The following CSMD1 variants were observed in gnomAD, a reference collection of about 807,000 sequenced individuals.
CSMD1 encodes the protein CUB and Sushi multiple domains 1, also known as CUB and sushi domain-containing protein 1.
Under a neutral mutation model 417.5 loss-of-function variants are expected in CSMD1, and 213 were observed. The observed-to-expected ratio is 0.51, with a 90% CI of 0.46 to 0.57. The LOEUF is 0.57. Among genes scored for constraint, CSMD1 ranks in the 20% least tolerant of loss-of-function variants. The pLI is 0.00. For missense variants in CSMD1, 6,923 were observed against 4,529.7 expected (o/e 1.53, Z -15.17); for synonymous variants, 2,862 against 1,736.8 (o/e 1.65, Z -16.11).
chr8:4,320,504 C>A (rs565017920), intron 3 of CSMD1, among the ~76,000 whole-genome samples: 1 of 152,164 alleles, frequency 6.6e-6, no homozygotes, highest in East Asian at 1.9e-4. Flanking sequence ...GCTATTCCTC[C>A]CCTAGACCCC....
rs558199257 is a variant in CSMD1 at position 3,297,699 on chromosome 8, G to C, written c.3950+9996C>G. 3.3e-5 allele frequency among the ~76,000 whole-genome samples: 5 copies of C among 152,292 alleles called. No homozygotes were observed. The South Asian group carries it at 1.0e-3, about 32-fold the overall frequency. On this transcript the variant is annotated intron_variant, in intron 25 of 69. Coordinates refer to ENST00000635120, the MANE Select transcript of CSMD1 (RefSeq NM_033225.6). ...AAATGTGAAAGGTAAATTAAGTTTT[G>C]TAGAAGAAAACCTAAGATAATATTT...
intron 10 of CSMD1, among the ~76,000 whole-genome samples, chr8:3,534,167 C>T (rs1450282992): frequency 6.6e-6 from 1 of 152,128 alleles, no homozygotes; most frequent in Non-Finnish European, 1.5e-5. Flanking sequence ...TGAAGTAATT[C>T]CATCTCTTGG....
intron 7 of CSMD1, among the ~76,000 whole-genome samples, chr8:3,652,587 T>C (rs992013390): frequency 1.3e-5 from 2 of 152,206 alleles, no homozygotes; most frequent in African/African-American, 4.8e-5. Context: ...AGGCATGTCG[T>C]ACACGGTGAC....
At chr8:4,994,007 C>A (rs1044841472) in intron 1 of CSMD1, among the ~76,000 whole-genome samples, 1 of 152,196 alleles carries the variant, frequency 6.6e-6, no homozygotes, top group African/African-American at 2.4e-5. Flanking sequence ...GAGGCAACAC[C>A]GCCCCGGCGG....
chr8:4,896,852 A>T (rs1368072029), intron 1 of CSMD1, among the ~76,000 whole-genome samples: 1 of 152,044 alleles, frequency 6.6e-6, no homozygotes, highest in Non-Finnish European at 1.5e-5. Flanking sequence ...GGAGGGTTGC[A>T]GCAGCTGCCG....
chr8:4,363,559 T>G (rs548258138), intron 3 of CSMD1, among the ~76,000 whole-genome samples: 28 of 152,254 alleles, frequency 1.8e-4, no homozygotes, highest in African/African-American at 6.0e-4. Flanking sequence ...CTACAGATTG[T>G]AGGAAACAGG....
chr8:3,003,834 T>G (rs904156477), intron 52 of CSMD1, among the ~76,000 whole-genome samples: 1 of 152,320 alleles, frequency 6.6e-6, no homozygotes, highest in East Asian at 1.9e-4. Flanking sequence ...GAAAAGGTGA[T>G]GGCAAGACAT....
chr8:4,475,803 G>A (rs1261973437), intron 2 of CSMD1, among the ~76,000 whole-genome samples: 2 of 151,816 alleles, frequency 1.3e-5, no homozygotes, highest in South Asian at 2.1e-4. Context: ...AGTACAGATG[G>A]GATTTCATTA....
At chr8:4,953,557 G>C (rs970935775) in intron 1 of CSMD1, among the ~76,000 whole-genome samples, 1 of 152,000 alleles carries the variant, frequency 6.6e-6, no homozygotes, top group Non-Finnish European at 1.5e-5. Flanking sequence ...ATCTCAATTT[G>C]TTTCTCACTG....
At chr8:4,200,316 T>G (rs1280843179) in intron 3 of CSMD1, among the ~76,000 whole-genome samples, 1 of 152,192 alleles carries the variant, frequency 6.6e-6, no homozygotes, top group Non-Finnish European at 1.5e-5. Flanking sequence ...AGAGTGTCAC[T>G]TAGATATGGT....
chr8:4,002,595 T>C (rs962966610), intron 4 of CSMD1, among the ~76,000 whole-genome samples: 8 of 152,220 alleles, frequency 5.3e-5, no homozygotes, highest in African/African-American at 1.4e-4. Context: ...TGTGAACTTA[T>C]CTTCCAGTTT....
At chr8:4,154,148 A>G (rs1404138859) in intron 3 of CSMD1, among the ~76,000 whole-genome samples, 1 of 152,208 alleles carries the variant, frequency 6.6e-6, no homozygotes, top group African/African-American at 2.4e-5. Context: ...GGTGAGATAT[A>G]CAATTTTACA....
chr8:4,628,814 C>A (rs1381477421), intron 2 of CSMD1, among the ~76,000 whole-genome samples: 2 of 152,082 alleles, frequency 1.3e-5, no homozygotes, highest in Admixed American at 1.3e-4. Flanking sequence ...AAAATTATAT[C>A]TAGATCAGGA....
At chr8:4,345,270 T>C (rs1800716138) in intron 3 of CSMD1, among the ~76,000 whole-genome samples, 1 of 152,166 alleles carries the variant, frequency 6.6e-6, no homozygotes, top group African/African-American at 2.4e-5. Context: ...GATAGGAACT[T>C]ATGCTTTCTA....
chr8:4,940,651 G>A (rs961100481), intron 1 of CSMD1, among the ~76,000 whole-genome samples: 23 of 152,118 alleles, frequency 1.5e-4, no homozygotes, highest in Non-Finnish European at 2.2e-4. Context: ...AGGTTCTTAC[G>A]TTCTTTAACA....
intron 48 of CSMD1, among the ~76,000 whole-genome samples, chr8:3,088,045 G>A (rs1814668916): frequency 6.6e-6 from 1 of 152,134 alleles, no homozygotes. Context: ...TAGCATATGG[G>A]ATTTGAATGA....
chr8:4,095,527 C>G (rs1036784106), intron 3 of CSMD1, among the ~76,000 whole-genome samples: 1 of 152,160 alleles, frequency 6.6e-6, no homozygotes, highest in East Asian at 1.9e-4. Context: ...CCACTAGTAT[C>G]AATGTAAACA....
At chr8:4,526,225 G>C (rs892390812) in intron 2 of CSMD1, among the ~76,000 whole-genome samples, 4 of 152,146 alleles carry the variant, frequency 2.6e-5, no homozygotes, top group Non-Finnish European at 4.4e-5. Flanking sequence ...CGCTACATTT[G>C]ATTATAATAC....
At chr8:4,300,490 T>C (rs183632685) in intron 3 of CSMD1, among the ~76,000 whole-genome samples, 101 of 152,364 alleles carry the variant, frequency 6.6e-4, no homozygotes, top group African/African-American at 1.8e-3. Flanking sequence ...ACAGTCTTCT[T>C]AACGTTATTA....
Sources: gnomAD v4.1 joint callset for allele counts (sites outside exome capture counted in the v4.1 genomes callset) on GRCh38, gnomAD v4.1.1 for gene constraint, MANE v1.5 for transcripts, NCBI Gene and HGNC (gene_info 2026-07-23, HGNC 2026-07-21) for gene names.